Variants in NEB observed in about 807,000 individuals in gnomAD.
The protein encoded by NEB is nebulin.
A neutral mutation model predicts 952.2 loss-of-function variants in NEB; 512 were observed. The observed-to-expected ratio is 0.54, with a 90% CI of 0.50 to 0.58. The LOEUF (loss-of-function observed/expected upper bound fraction) is 0.58, where lower values mean the gene tolerates loss of function less well. Ranked by LOEUF, NEB falls within the 20% of genes least tolerant of loss-of-function variation. The pLI is 0.00. For synonymous variants in NEB, 2,900 were observed against 3,149.8 expected (o/e 0.92, Z 2.66); for missense variants, 8,428 against 9,231.1 (o/e 0.91, Z 3.56).
At chr2:151,667,682 C>T in intron 40 of NEB, 122 bp downstream of exon 40, 1 of 616,072 alleles carries the variant, frequency 1.6e-6, no homozygotes, top group East Asian at 2.9e-5. Flanking sequence ...TACACGCCAC[C>T]ACATCTGGCT....
intron 156 of NEB, among the ~76,000 whole-genome samples, chr2:151,517,642 A>G (rs1457845454): frequency 1.3e-5 from 2 of 152,184 alleles, no homozygotes; most frequent in Non-Finnish European, 2.9e-5. Context: ...CACCTAGGCT[A>G]TATGGTATGG....
chr2:151,644,411 C>G, intron 56 of NEB, 57 bp downstream of exon 56: 4 of 1,455,874 alleles, frequency 2.7e-6, no homozygotes, highest in South Asian at 1.2e-5. Flanking sequence ...TAAATTGAGA[C>G]TGCTTTGAAG....
At chr2:151,560,567 G>A (rs764960932) in intron 124 of NEB, 25 bp downstream of exon 124, 6 of 1,548,152 alleles carry the variant, frequency 3.9e-6, no homozygotes, top group East Asian at 2.3e-5. Context: ...GGGTGGGAAA[G>A]CTGTCATGTT....
intron 39 of NEB, among the ~76,000 whole-genome samples, chr2:151,668,606 C>T (rs4316939): frequency 0.17 from 26,504 of 151,846 alleles, 3,101 homozygotes; most frequent in East Asian, 0.49. Flanking sequence ...ATGTCTAGAC[C>T]ACTCAAGAGA....
intron 175 of NEB, 99 bp downstream of exon 175, chr2:151,493,676 C>T (rs749274458): frequency 9.9e-7 from 1 of 1,013,984 alleles, no homozygotes; most frequent in Non-Finnish European, 1.4e-6. Flanking sequence ...TTTAAAGATA[C>T]ACAAAAGTTT....
At chr2:151,640,973 G>A (rs1574834551) in intron 60 of NEB, among the ~76,000 whole-genome samples, 1 of 152,020 alleles carries the variant, frequency 6.6e-6, no homozygotes, top group African/African-American at 2.4e-5. Flanking sequence ...AATTTCAGGA[G>A]ATTATGCTGC....
In NEB at chr2:151,620,956, A is replaced by G. The variant is rs753949296; in HGVS notation, c.10523T>C (p.Ile3508Thr). Residue 3508 changes from isoleucine to threonine, a missense_variant, in exon 72 of 182, where the codon ATT (isoleucine) becomes ACT (threonine). Around this residue, in one of 11 missense-constraint regions of NEB, gnomAD observed 1,772 missense variants for 1,960.3 expected, o/e 0.90. Coordinates refer to ENST00000397345, the MANE Select transcript of NEB (RefSeq NM_001164508.2). ...GYDLRSDAIP[I>T]VAAKASRDIA... The stretch of plus-strand genomic sequence containing the variant: ...ATCCCGAGAGGCCTTGGCAGCCACA[A>G]TGGGAATGGCATCACTTCTCAAGTC... The G allele has an allele frequency of 6.2e-6, 10 of 1,612,940 alleles. No homozygotes were observed. The highest frequency in any genetic ancestry group is 8.5e-6 in the Non-Finnish European group (10 of 1,179,468).
At position 151,485,623 on chromosome 2, in the gene NEB, A is replaced by G; in HGVS notation, c.*137T>C. On this transcript the variant is annotated 3_prime_UTR_variant, in exon 182 of 182. Transcript: ENST00000397345. Reference sequence around the variant, plus strand: ...TATTTTAAAACCCAAAGGAGAAAGGATGGTACTACCATAAATCACATTGAC... The same window carrying G: ...TATTTTAAAACCCAAAGGAGAAAGGGTGGTACTACCATAAATCACATTGAC... 1.4e-6 allele frequency: 1 copy of G among 739,818 alleles called. No homozygotes were observed. The highest frequency in any genetic ancestry group is 2.1e-6 in the Non-Finnish European group (1 of 480,004). 45.8% of individuals were successfully genotyped at this position (739,818 alleles called of 1,614,324 possible).
At position 151,516,559 on chromosome 2, in the gene NEB, T is replaced by A. The variant is rs2077801983; in HGVS notation, c.22805A>T (p.Lys7602Ile). 6.2e-7 allele frequency: 1 copy of A among 1,600,684 alleles called. No individual in the cohort carries two copies. Among genetic ancestry groups the A allele is most frequent in the Non-Finnish European group, 8.6e-7 (1 of 1,169,106 alleles). Residue 7602 changes from lysine to isoleucine, a missense_variant, in exon 157 of 182, where the codon AAA (lysine) becomes ATA (isoleucine). Lys to Ile is a moderately radical substitution (Grantham distance 102). Transcript: ENST00000397345. ...KEATELQSIV[K>I]YKEKYEKERG... ...TTCCTTTTCATACTTTTCTTTGTAT[T>A]TCACCTGGTGATAGAAAGCCATGTT...
chr2:151,546,226 TA>T (rs1351205948), intron 134 of NEB, 118 bp downstream of exon 134: 1 of 819,368 alleles, frequency 1.2e-6, no homozygotes, highest in Non-Finnish European at 2.0e-6. Context: ...GAGTTAATGA[TA>T]AATTTCCCCT....
chr2:151,492,727 G>C (rs114003449), intron 176 of NEB: 4,525 of 343,070 alleles, frequency 0.013, 62 homozygotes, highest in Non-Finnish European at 0.017. Context: ...TTTCAAAGAA[G>C]GGGCACGGTA....
chr2:151,552,054 A>T (rs989406364), intron 128 of NEB, among the ~76,000 whole-genome samples: 1 of 152,166 alleles, frequency 6.6e-6, no homozygotes, highest in African/African-American at 2.4e-5. Context: ...AAGGGTGGGC[A>T]TTTTACCACT....
rs371611266 is a variant in NEB, at chr2:151,526,215, G to A, written c.21993C>T (p.Ala7331=). 32 of 1,613,644 alleles carry A rather than the reference G, an allele frequency of 2.0e-5. No individual in the cohort carries two copies. The highest frequency in any genetic ancestry group is 1.6e-4 in the Middle Eastern group (1 of 6,084). The part of the protein sequence containing the change: ...KHVKERGTCH[A]VPDTPQILLA... ...GCAGGATCTGAGGCGTGTCAGGTACGGCATGGCAGGTTCCTCTTTCCTTGA... is the reference window on the plus strand; with the variant it reads ...GCAGGATCTGAGGCGTGTCAGGTACAGCATGGCAGGTTCCTCTTTCCTTGA... The change falls in exon 149 of 182, where the codon GCC becomes GCT. Residue 7331 remains alanine, a synonymous_variant. Coordinates refer to ENST00000397345, the MANE Select transcript of NEB (RefSeq NM_001164508.2).
At position 151,656,266 on chromosome 2, in the gene NEB, C is replaced by T. The variant is rs745773397; in HGVS notation, c.6382G>A (p.Ala2128Thr). The T allele has an allele frequency of 2.5e-6, 4 of 1,613,420 alleles. No individual in the cohort carries two copies. The highest frequency in any genetic ancestry group is 3.4e-6 in the Non-Finnish European group (4 of 1,179,668). The change falls in exon 49 of 182, where the codon GCC (alanine) becomes ACC (threonine). Residue 2128 changes from alanine to threonine, a missense_variant. Transcript: ENST00000397345. The stretch of plus-strand genomic sequence containing the variant: ...TTAGTGTTGGTGATGTTGGCTTGGG[C>T]ATCCTTTGCAGCCGTGACACTGAGC... ...DMLSVTAAKD[A>T]QANITNTNYK...
chr2:151,692,767 C>T (rs529685296), intron 20 of NEB, among the ~76,000 whole-genome samples: 44 of 152,260 alleles, frequency 2.9e-4, no homozygotes, highest in Middle Eastern at 3.4e-3. Flanking sequence ...GCCAGGAGTT[C>T]AACACCAGCC....
intron 24 of NEB, chr2:151,689,551 T>G (rs574373511): frequency 2.3e-4 from 35 of 152,312 alleles, no homozygotes; most frequent in African/African-American, 8.4e-4. Context: ...ATTTAAATTT[T>G]TTAAAAGGTG....
chr2:151,486,190 G>A, intron 181 of NEB: 1 of 401,684 alleles, frequency 2.5e-6, no homozygotes, highest in South Asian at 4.3e-5. Context: ...AGAGGCAAAG[G>A]ATATGAATAG....
At chr2:151,505,040 A>G (rs1027189164) in intron 165 of NEB, among the ~76,000 whole-genome samples, 2 of 152,186 alleles carry the variant, frequency 1.3e-5, no homozygotes, top group East Asian at 1.9e-4. Context: ...TATCATTCAT[A>G]TGATGTGTCA....
Position 151,514,981 on chromosome 2 carries a change from T to C in NEB, c.22906-53A>G, listed in dbSNP as rs545734259. On this transcript the variant is annotated intron_variant, in intron 157 of 181. Coordinates refer to ENST00000397345, the MANE Select transcript of NEB (RefSeq NM_001164508.2). ...TTAAAAAAAAATCTTTATTACAATA[T>C]ATCTCTCCATCTCAGGAAGAAAAAA... The C allele has an allele frequency of 2.6e-6, 3 of 1,139,054 alleles. No individual in the cohort carries two copies. In the African/African-American group the frequency reaches 4.7e-5, roughly 18 times the overall value. The allele number at this position is 1,139,054 out of a possible 1,614,324, so 70.6% of individuals were successfully genotyped here.
Sources: allele counts gnomAD v4.1 joint callset (sites outside exome capture counted in the v4.1 genomes callset), GRCh38; gene constraint gnomAD v4.1.1; regional missense constraint gnomAD v4.1.1; transcripts MANE v1.5; gene names NCBI Gene and HGNC (gene_info 2026-07-23, HGNC 2026-07-21).